PRKD3: variants seen among roughly 807,000 people sequenced by gnomAD.
PRKD3 encodes the protein protein kinase D3, also known as serine/threonine-protein kinase D3.
A neutral mutation model predicts 99.2 loss-of-function variants in PRKD3; 47 were observed. That is an observed-to-expected ratio of 0.47 (90% CI 0.38 to 0.60). The LOEUF is 0.60. Ranked by LOEUF, PRKD3 falls within the 20% of genes least tolerant of loss-of-function variation. The probability of loss-of-function intolerance (pLI) is 0.00; values close to 1 mark genes in which losing one functional copy is unlikely to be tolerated. For missense variants in PRKD3, 1,019 were observed against 1,088.4 expected (o/e 0.94, Z 0.90); for synonymous variants, 392 against 355.4 (o/e 1.10, Z -1.16).
chr2:37,275,835 G>T lies in PRKD3; in HGVS notation c.1306C>A (p.His436Asn). ...YTSRDNLRKR[H>N]YWRLDSKCLT... ...CATTTGCTGTCAAGTCTCCAATAATGCCTCTTTCTCTATAAAATGAAGATT... is the reference window on the plus strand; with the variant it reads ...CATTTGCTGTCAAGTCTCCAATAATTCCTCTTTCTCTATAAAATGAAGATT... The change falls in exon 10 of 19, where the codon CAT becomes AAT. Residue 436 changes from histidine (H) to asparagine (N), a missense_variant. By Grantham distance (68) the His-to-Asn change is moderately conservative. Coordinates refer to ENST00000234179, the MANE Select transcript of PRKD3 (RefSeq NM_005813.6). The T allele has an allele frequency of 6.2e-7, 1 of 1,606,204 alleles. No individual in the cohort carries two copies. Among genetic ancestry groups the T allele is most frequent in the Non-Finnish European group, 8.5e-7 (1 of 1,176,472 alleles).
intron 2 of PRKD3, among the ~76,000 whole-genome samples, chr2:37,304,356 C>T (rs141827802): frequency 3.7e-4 from 56 of 152,154 alleles, no homozygotes; most frequent in African/African-American, 1.3e-3. Flanking sequence ...GACATAAGGA[C>T]GATAGCTGAG....
intron 14 of PRKD3, among the ~76,000 whole-genome samples, chr2:37,260,690 T>G (rs1008558062): frequency 6.6e-6 from 1 of 152,208 alleles, no homozygotes; most frequent in Admixed American, 6.5e-5. Flanking sequence ...TCTAATTTCA[T>G]GCTTTCCCTG....
chr2:37,324,126 C>G (rs1672006650), intron 1 of PRKD3: 2 of 966,270 alleles, frequency 2.1e-6, no homozygotes, highest in African/African-American at 3.5e-5. Flanking sequence ...AACAATGCTG[C>G]AACTAGCAAA....
intron 6 of PRKD3, 59 bp from the exon 7 acceptor site, chr2:37,282,678 G>A (rs1224741135): frequency 3.4e-6 from 4 of 1,162,608 alleles, no homozygotes; most frequent in South Asian, 1.3e-5. Flanking sequence ...ATCAGATATG[G>A]TTAGACTTTC....
At position 37,308,129 on chromosome 2, in the gene PRKD3, T is replaced by C. The variant is rs114445574; in HGVS notation, c.288+8108A>G. Among the ~76,000 whole-genome samples the C allele has an allele frequency of 4.4e-3, 670 of 152,324 alleles. 2 individuals carry two copies. The highest frequency in any genetic ancestry group is 0.01 in the Middle Eastern group (3 of 294). ...CTTTTTGTAAAACATAACTCTCATA[T>C]CATTTGACCAAGTGTTGAGATCAGT... is the stretch of plus-strand genomic sequence containing the variant. On this transcript the variant is annotated intron_variant, in intron 2 of 18. Transcript: ENST00000234179.
chr2:37,315,631 G>C (rs981479105), intron 2 of PRKD3, among the ~76,000 whole-genome samples: 17 of 152,156 alleles, frequency 1.1e-4, no homozygotes, highest in African/African-American at 3.4e-4. Flanking sequence ...AAACAAATGA[G>C]ATTTCTTATG....
At chr2:37,258,644 A>C (rs1002434128) in intron 16 of PRKD3, among the ~76,000 whole-genome samples, 6 of 152,220 alleles carry the variant, frequency 3.9e-5, no homozygotes, top group African/African-American at 1.4e-4. Context: ...AGTTTATTTA[A>C]AACATTGCAC....
chr2:37,294,423 A>T (rs59196654), intron 2 of PRKD3, among the ~76,000 whole-genome samples: 11,208 of 145,330 alleles, frequency 0.077, 1,394 homozygotes, highest in African/African-American at 0.26. Context: ...AAGTTAAATT[A>T]AAAAAAAATT....
At position 37,258,203 on chromosome 2, in the gene PRKD3, C is replaced by T. The variant is rs116621426; in HGVS notation, c.2146-1274G>A. Among the ~76,000 whole-genome samples, 785 of 152,252 alleles carry T rather than the reference C, an allele frequency of 5.2e-3. 7 individuals carry two copies. The highest frequency in any genetic ancestry group is 0.018 in the African/African-American group (735 of 41,536). On this transcript the variant is annotated intron_variant, in intron 16 of 18. Transcript: ENST00000234179. ...AGTGGTACAAACAGTGCCTAGAAAA[C>T]GAAGTGAAGTTATCAAATGCTGCTA... is the stretch of plus-strand genomic sequence containing the variant.
Position 37,289,530 on chromosome 2 carries a change from A to C in PRKD3, c.560-17T>G. ...ATCCACAGCCTAAACATATTTTACA[A>C]GGTAAAATATAAGATTTAAAAAAAA... is the stretch of plus-strand genomic sequence containing the variant. On this transcript the variant is annotated splice_polypyrimidine_tract_variant and intron_variant, in intron 4 of 18. Transcript: ENST00000234179. The C allele has an allele frequency of 6.3e-7, 1 of 1,581,318 alleles. No individual in the cohort carries two copies. Among genetic ancestry groups the C allele is most frequent in the Non-Finnish European group, 8.6e-7 (1 of 1,161,722 alleles).
intron 1 of PRKD3, among the ~76,000 whole-genome samples, chr2:37,324,011 C>G (rs1038506551): frequency 6.6e-6 from 1 of 152,194 alleles, no homozygotes; most frequent in African/African-American, 2.4e-5. Flanking sequence ...ATAAAATACC[C>G]AACCGGCAAT....
intron 2 of PRKD3, among the ~76,000 whole-genome samples, chr2:37,305,895 T>C (rs1035004286): frequency 1.3e-5 from 2 of 152,134 alleles, no homozygotes; most frequent in Non-Finnish European, 2.9e-5. Context: ...ACCATTCTTC[T>C]ATGGAGGTGG....
chr2:37,290,790 C>A (rs1056738601), intron 4 of PRKD3, 78 bp downstream of exon 4: 2 of 1,436,400 alleles, frequency 1.4e-6, no homozygotes, highest in African/African-American at 2.9e-5. Context: ...AGCTCGTCAT[C>A]TTGCTTTTTC....
At chr2:37,317,280 T>C (rs1441732518) in intron 1 of PRKD3, 101 bp from the exon 2 acceptor site, 2 of 471,030 alleles carry the variant, frequency 4.2e-6, no homozygotes, top group Admixed American at 6.4e-5. Flanking sequence ...TTTGGTCATA[T>C]GCTTATAATT....
intron 12 of PRKD3, among the ~76,000 whole-genome samples, chr2:37,271,515 A>G (rs990968341): frequency 2.6e-5 from 4 of 152,192 alleles, no homozygotes; most frequent in Non-Finnish European, 4.4e-5. Context: ...GGGGTCCCCA[A>G]GCCCCAGGCC....
At chr2:37,279,553 C>A (rs1669738221) in intron 8 of PRKD3, among the ~76,000 whole-genome samples, 193 bp downstream of exon 8, 1 of 151,952 alleles carries the variant, frequency 6.6e-6, no homozygotes, top group African/African-American at 2.4e-5. Flanking sequence ...TCATACCTCC[C>A]CATCTTGAGT....
chr2:37,255,620 G>A (rs1194973989), intron 17 of PRKD3, among the ~76,000 whole-genome samples: 3 of 152,178 alleles, frequency 2.0e-5, no homozygotes, highest in Non-Finnish European at 2.9e-5. Context: ...TTCATTCTAG[G>A]TATAAGGAAC....
At chr2:37,311,501 G>T (rs184453950) in intron 2 of PRKD3, among the ~76,000 whole-genome samples, 117 of 152,284 alleles carry the variant, frequency 7.7e-4, no homozygotes, top group Non-Finnish European at 9.3e-4. Flanking sequence ...AGCCATAACA[G>T]ATAATGGCAC....
rs373567940 is a variant in PRKD3, at chr2:37,259,595, C to T, written c.2133G>A (p.Glu711=). 7.5e-6 allele frequency: 12 copies of T among 1,610,278 alleles called. No homozygotes were observed. The highest frequency in any genetic ancestry group is 1.3e-5 in the African/African-American group (1 of 74,846). ...KPENVLLASA[E]PFPQVKLCDF... is the part of the protein sequence containing the mutation. ...GAGAATATCTCACCTGAGGAAATGG[C>T]TCTGCTGATGCAAGCAGCACATTTT... Residue 711 remains glutamate, a synonymous_variant, in exon 16 of 19, where the codon GAG becomes GAA. Coordinates refer to ENST00000234179, the MANE Select transcript of PRKD3 (RefSeq NM_005813.6).
Sources: allele counts gnomAD v4.1 joint callset (sites outside exome capture counted in the v4.1 genomes callset), GRCh38; gene constraint gnomAD v4.1.1; transcripts MANE v1.5; gene names NCBI Gene and HGNC (gene_info 2026-07-23, HGNC 2026-07-21).